The following DESI2 variants were observed in gnomAD, a reference collection of about 807,000 sequenced individuals.
The protein encoded by DESI2 is desumoylating isopeptidase 2, also known as deubiquitinase DESI2.
DESI2 carries 10 observed loss-of-function variants against 24.1 expected under a neutral mutation model. That is an observed-to-expected ratio of 0.41 (90% CI 0.26 to 0.70). The LOEUF (loss-of-function observed/expected upper bound fraction) is 0.70, where lower values mean the gene tolerates loss of function less well. Ranked by LOEUF, DESI2 falls within the 30% of genes least tolerant of loss-of-function variation. DESI2 has a pLI of 0.29. For missense variants in DESI2, 122 were observed against 234.9 expected (o/e 0.52, Z 3.14); for synonymous variants, 71 against 87.7 (o/e 0.81, Z 1.06).
rs781242397 is a variant in DESI2 at position 244,686,584 on chromosome 1, C to CT, written c.43-6dup. 3.8e-6 allele frequency: 6 copies of CT among 1,573,378 alleles called. No homozygotes were observed. Among genetic ancestry groups the CT allele is most frequent in the South Asian group, 2.2e-5 (2 of 90,170 alleles). ...AACAGGTATTCTGAATCTTTTCTTT[C>CT]TTTTTTTCTCAGTATTGGATGAACG... On this transcript the variant is annotated splice_polypyrimidine_tract_variant and intron_variant, in intron 1 of 4. Coordinates refer to ENST00000302550, the MANE Select transcript of DESI2 (RefSeq NM_016076.5).
intron 4 of DESI2, among the ~76,000 whole-genome samples, chr1:244,698,974 T>G (rs936771592): frequency 6.6e-6 from 1 of 152,220 alleles, no homozygotes. Context: ...CCTACCCATC[T>G]TACTCTCTAC....
intron 1 of DESI2, among the ~76,000 whole-genome samples, chr1:244,683,102 C>G (rs921379013): frequency 3.9e-5 from 6 of 152,018 alleles, no homozygotes; most frequent in Non-Finnish European, 1.5e-5. Flanking sequence ...CTAAACCAAC[C>G]TAACACATTT....
chr1:244,694,246 G>A (rs532321856), intron 4 of DESI2, among the ~76,000 whole-genome samples: 11 of 152,264 alleles, frequency 7.2e-5, no homozygotes, highest in East Asian at 1.9e-4. Flanking sequence ...CAACACCAGC[G>A]TGTCATCTGT....
Position 244,708,743 on chromosome 1 carries a change from G to C in DESI2, c.*2954G>C, listed in dbSNP as rs930060033. 2.6e-5 allele frequency: 4 copies of C among 152,558 alleles called. No individual in the cohort carries two copies. The highest frequency in any genetic ancestry group is 7.2e-5 in the African/African-American group (3 of 41,416). 9.5% of individuals were successfully genotyped at this position (152,558 alleles called of 1,614,324 possible). ...TCAGCAAGCTAGCCATACAACCATT[G>C]TATCTCTTTCTCTTCAGTATGGTTT... On this transcript the variant is annotated 3_prime_UTR_variant, in exon 5 of 5. Coordinates refer to ENST00000302550, the MANE Select transcript of DESI2 (RefSeq NM_016076.5).
intron 4 of DESI2, among the ~76,000 whole-genome samples, chr1:244,700,282 G>GT (rs756087612): frequency 2.6e-5 from 4 of 151,986 alleles, no homozygotes; most frequent in African/African-American, 7.2e-5. Flanking sequence ...TCTCTAAGTG[G>GT]TTTTTTCTCC....
In DESI2 at chr1:244,667,185, T is replaced by C. The variant is rs150135862; in HGVS notation, c.42+13830T>C. 3.4e-3 allele frequency among the ~76,000 whole-genome samples: 520 copies of C among 152,256 alleles called. 3 individuals carry two copies. The highest frequency in any genetic ancestry group is 5.7e-3 in the Non-Finnish European group (390 of 68,010). On this transcript the variant is annotated intron_variant, in intron 1 of 4. Transcript: ENST00000302550. The stretch of plus-strand genomic sequence containing the variant: ...CTAAAGTCTTAACTCATTTCAGCAT[T>C]AACCCAAAAGTCCACAGTCCAAAGT...
Position 244,691,910 on chromosome 1 carries a change from C to G in DESI2, c.241C>G (p.Leu81Val), listed in dbSNP as rs1292697705. 2 of 1,595,280 alleles carry G rather than the reference C, an allele frequency of 1.3e-6. No individual in the cohort carries two copies. The highest frequency in any genetic ancestry group is 1.8e-5 in the Admixed American group (1 of 54,450). The change falls in exon 4 of 5, where the codon CTA (leucine) becomes GTA (valine). Residue 81 changes from leucine (L) to valine (V), a missense_variant. Transcript: ENST00000302550. ...TGTTGTTTTAGGGAGCACGGACTTCCTAGAAGATGATATAGAAAAAATTGT... is the reference window on the plus strand; with the variant it reads ...TGTTGTTTTAGGGAGCACGGACTTCGTAGAAGATGATATAGAAAAAATTGT... The part of the protein sequence containing the change: ...EAVVLGSTDF[L>V]EDDIEKIVEE...
rs1241065494 is a variant in DESI2 at position 244,691,884 on chromosome 1, CTGT to C, written c.220_222del (p.Val74del). 1.9e-6 allele frequency: 3 copies of C among 1,547,736 alleles called. No homozygotes were observed. The highest frequency in any genetic ancestry group is 2.6e-6 in the Non-Finnish European group (3 of 1,157,530). On this transcript the variant is annotated inframe_deletion, in exon 4 of 5. Coordinates refer to ENST00000302550, the MANE Select transcript of DESI2 (RefSeq NM_016076.5). ...TTTTCTTTTTGTTCTTTAAGAGAAG[CTGT>C]TGTTTTAGGGAGCACGGACTTCCTA...
intron 4 of DESI2, among the ~76,000 whole-genome samples, chr1:244,701,665 G>A (rs1200655471): frequency 3.3e-5 from 5 of 152,090 alleles, no homozygotes; most frequent in Non-Finnish European, 5.9e-5. Flanking sequence ...CTTTTGGAAC[G>A]GGAATGTCTA....
intron 4 of DESI2, among the ~76,000 whole-genome samples, chr1:244,693,265 C>A (rs1677091069): frequency 6.6e-6 from 1 of 152,166 alleles, no homozygotes; most frequent in Non-Finnish European, 1.5e-5. Context: ...TCCTGTCCTT[C>A]AAAAACATTA....
chr1:244,701,788 G>A (rs1302453121), intron 4 of DESI2, among the ~76,000 whole-genome samples: 1 of 152,154 alleles, frequency 6.6e-6, no homozygotes, highest in African/African-American at 2.4e-5. Flanking sequence ...TTCTGTAACA[G>A]TATATAGAAA....
rs1385691962 is a variant in DESI2 at position 244,707,988 on chromosome 1, T to C, written c.*2199T>C. ...CGTGAGATTCCTTATAATCTAATTA[T>C]ACCTGAGGTTGAGCAAGAAATGTCT... On this transcript the variant is annotated 3_prime_UTR_variant, in exon 5 of 5. Coordinates refer to ENST00000302550, the MANE Select transcript of DESI2 (RefSeq NM_016076.5). 3 of 152,224 alleles carry C rather than the reference T, an allele frequency of 2.0e-5. No homozygotes were observed. Among genetic ancestry groups the C allele is most frequent in the African/African-American group, 7.2e-5 (3 of 41,450 alleles). 9.4% of individuals were successfully genotyped at this position (152,224 alleles called of 1,614,324 possible).
chr1:244,659,957 C>T (rs1050617910), intron 1 of DESI2, among the ~76,000 whole-genome samples: 2 of 152,120 alleles, frequency 1.3e-5, no homozygotes, highest in Non-Finnish European at 1.5e-5. Flanking sequence ...AACTCAGATG[C>T]CAGTAGGGTC....
intron 1 of DESI2, among the ~76,000 whole-genome samples, chr1:244,665,114 C>T (rs911945923): frequency 1.3e-5 from 2 of 152,052 alleles, no homozygotes; most frequent in Non-Finnish European, 2.9e-5. Context: ...TAGTCTCTTC[C>T]AGCAAGTTTT....
In DESI2 at chr1:244,684,598, A is replaced by T. The variant is rs190889660; in HGVS notation, c.43-1999A>T. 3.9e-3 allele frequency among the ~76,000 whole-genome samples: 585 copies of T among 149,824 alleles called. 10 individuals carry two copies. Among genetic ancestry groups the T allele is most frequent in the Non-Finnish European group, 1.8e-3 (122 of 67,322 alleles). On this transcript the variant is annotated intron_variant, in intron 1 of 4. Transcript: ENST00000302550. ...GTTACCTCATTCTTTTTTCTTTTTT[A>T]AAAAAAAAATCTCAGCTAATTTTCC...
chr1:244,690,272 A>G (rs527907732), intron 3 of DESI2, among the ~76,000 whole-genome samples: 3 of 152,248 alleles, frequency 2.0e-5, no homozygotes, highest in South Asian at 2.1e-4. Context: ...CCCTGTGTCC[A>G]AGTGTTCTCA....
chr1:244,682,336 C>A (rs936606534), intron 1 of DESI2, among the ~76,000 whole-genome samples: 2 of 152,200 alleles, frequency 1.3e-5, no homozygotes, highest in Non-Finnish European at 2.9e-5. Flanking sequence ...ATTTACAATC[C>A]TCTAGCTAGA....
intron 4 of DESI2, among the ~76,000 whole-genome samples, chr1:244,693,651 G>A (rs1209630553): frequency 1.3e-5 from 2 of 152,032 alleles, no homozygotes; most frequent in South Asian, 2.1e-4. Context: ...GGCTGGTCTC[G>A]AACTCCTGAC....
chr1:244,681,909 A>G (rs937565158), intron 1 of DESI2, among the ~76,000 whole-genome samples: 1 of 152,142 alleles, frequency 6.6e-6, no homozygotes, highest in African/African-American at 2.4e-5. Flanking sequence ...ACTGACTTCA[A>G]GAATGAAGCC....
Sources: gnomAD v4.1 joint callset for allele counts (sites outside exome capture counted in the v4.1 genomes callset) on GRCh38, gnomAD v4.1.1 for gene constraint, MANE v1.5 for transcripts, NCBI Gene and HGNC (gene_info 2026-07-23, HGNC 2026-07-21) for gene names.